ABI2: variants seen among roughly 807,000 people sequenced by gnomAD.
ABI2 encodes the protein abelson interactor 2.
In ABI2, 25 loss-of-function variants were observed where a neutral mutation model predicts 59.2. The ratio of observed to expected loss-of-function variants is 0.42; its 90% CI spans 0.31 to 0.59. The LOEUF (loss-of-function observed/expected upper bound fraction) is 0.59. Among genes scored for constraint, ABI2 ranks in the 20% least tolerant of loss-of-function variants. ABI2 has a pLI of 0.14. For synonymous variants in ABI2, 213 were observed against 235.5 expected, an observed-to-expected ratio of 0.90 and a Z score of 0.87; for missense variants, 545 against 681.8, an observed-to-expected ratio of 0.80 and a Z score of 2.23.
chr2:203,337,911 TC>T (rs1463752141), intron 1 of ABI2, among the ~76,000 whole-genome samples: 2 of 152,166 alleles, frequency 1.3e-5, no homozygotes, highest in African/African-American at 4.8e-5. Flanking sequence ...ACGCCTGTAG[TC>T]CCAGCTACTC....
At chr2:203,357,315 T>C (rs2152843734) in intron 1 of ABI2, among the ~76,000 whole-genome samples, 1 of 152,312 alleles carries the variant, frequency 6.6e-6, no homozygotes, top group African/African-American at 2.4e-5. Context: ...GCAAGTAAGA[T>C]AGTAGCAGAG....
At chr2:203,384,290 GTTTTTTTTTTTT>G in intron 4 of ABI2, among the ~76,000 whole-genome samples, 1 of 26,116 alleles carries the variant, frequency 3.8e-5, no homozygotes, top group South Asian at 1.7e-3. Flanking sequence ...TTTTGTTTTT[GTTTTTTTTTTTT>G]TTTTTTTTTT....
intron 6 of ABI2, among the ~76,000 whole-genome samples, 200 bp from the exon 7 acceptor site, chr2:203,395,456 C>T (rs1039451661): frequency 0.011 from 1,046 of 95,156 alleles, 17 homozygotes; most frequent in African/African-American, 0.028. Context: ...TATACACACA[C>T]ACACACACAC....
intron 4 of ABI2, among the ~76,000 whole-genome samples, chr2:203,385,447 A>T (rs2096462002): frequency 6.6e-6 from 1 of 152,182 alleles, no homozygotes; most frequent in African/African-American, 2.4e-5. Context: ...TTAATAATTA[A>T]TGAGCAGGGC....
At chr2:203,382,525 C>T (rs1283446073) in intron 4 of ABI2, among the ~76,000 whole-genome samples, 1 of 152,096 alleles carries the variant, frequency 6.6e-6, no homozygotes, top group Non-Finnish European at 1.5e-5. Flanking sequence ...GTAAGCTACC[C>T]TATCATAAAA....
intron 1 of ABI2, among the ~76,000 whole-genome samples, chr2:203,349,310 A>G (rs1005006826): frequency 2.0e-5 from 3 of 152,194 alleles, no homozygotes; most frequent in African/African-American, 7.2e-5. Context: ...CTGATTAATC[A>G]CAAAATAGTC....
chr2:203,329,336 G>A (rs1313740885), intron 1 of ABI2: 2 of 123,790 alleles, frequency 1.6e-5, no homozygotes, highest in Admixed American at 9.5e-5. Flanking sequence ...GAACCTCCTG[G>A]TTTAATTTTT....
intron 1 of ABI2, among the ~76,000 whole-genome samples, chr2:203,346,584 G>A (rs2083730203): frequency 6.6e-6 from 1 of 152,198 alleles, no homozygotes; most frequent in Non-Finnish European, 1.5e-5. Flanking sequence ...CTCATTGTCT[G>A]TTGAGTTGAA....
chr2:203,357,516 C>T (rs2092444583), intron 1 of ABI2, among the ~76,000 whole-genome samples: 1 of 152,162 alleles, frequency 6.6e-6, no homozygotes, highest in Non-Finnish European at 1.5e-5. Flanking sequence ...TCTAAATAAC[C>T]TCCTTTTTCT....
intron 2 of ABI2, among the ~76,000 whole-genome samples, chr2:203,373,355 C>G (rs1267140416): frequency 6.6e-6 from 1 of 152,174 alleles, no homozygotes; most frequent in Non-Finnish European, 1.5e-5. Flanking sequence ...CGCAGGCACT[C>G]GGCAGGCTGA....
chr2:203,359,323 A>C (rs533629710), intron 1 of ABI2, among the ~76,000 whole-genome samples: 1 of 152,146 alleles, frequency 6.6e-6, no homozygotes, highest in South Asian at 2.1e-4. Context: ...AGTTGATAGA[A>C]TTTTCACTGA....
In ABI2 at chr2:203,404,533, G is replaced by A. The variant is rs184691148; in HGVS notation, c.1192+1799G>A. ...TTTGTTCAGGAGCACGGGATTACAG[G>A]TACCTGCCACCACGCCTGGCTAATT... is the stretch of plus-strand genomic sequence containing the variant. On this transcript the variant is annotated intron_variant, in intron 9 of 11. Transcript: ENST00000261018. 2.0e-5 allele frequency among the ~76,000 whole-genome samples: 3 copies of A among 152,218 alleles called. No individual in the cohort carries two copies. In the East Asian group the frequency reaches 5.8e-4, roughly 29 times the overall value.
chr2:203,362,483 C>T (rs1030100040), intron 1 of ABI2, among the ~76,000 whole-genome samples: 2 of 151,786 alleles, frequency 1.3e-5, no homozygotes, highest in African/African-American at 4.8e-5. Flanking sequence ...TTGAGTTTTA[C>T]TATATTTTAT....
intron 8 of ABI2, among the ~76,000 whole-genome samples, chr2:203,400,026 A>G (rs1260281971): frequency 1.4e-5 from 2 of 147,038 alleles, no homozygotes; most frequent in Admixed American, 6.8e-5. Flanking sequence ...TTAGGTATAT[A>G]TATTTTTAAA....
In ABI2 at chr2:203,431,134, G is replaced by GT. The variant is rs1321127327; in HGVS notation, c.*3784dup. 6.6e-6 allele frequency: 1 copy of GT among 152,228 alleles called. No individual in the cohort carries two copies. The highest frequency in any genetic ancestry group is 1.5e-5 in the Non-Finnish European group (1 of 68,038). 9.4% of individuals were successfully genotyped at this position (152,228 alleles called of 1,614,324 possible). ...TTTTGGCCGGGAACTCCTGATTGGT[G>GT]TTAAGGTGGTAATTTCCCCCATATA... On this transcript the variant is annotated 3_prime_UTR_variant, in exon 12 of 12. Coordinates refer to ENST00000261018, the MANE Select transcript of ABI2 (RefSeq NM_001375670.1).
intron 2 of ABI2, among the ~76,000 whole-genome samples, chr2:203,378,243 G>A (rs1478517954): frequency 6.6e-6 from 1 of 151,846 alleles, no homozygotes; most frequent in African/African-American, 2.4e-5. Context: ...CCCCCAAGTA[G>A]CTGGGACTAC....
At chr2:203,395,207 A>T in intron 6 of ABI2, 1 of 599,476 alleles carries the variant, frequency 1.7e-6, no homozygotes, top group East Asian at 2.9e-5. Context: ...TCAGAGTATG[A>T]TTATTAATTA....
At chr2:203,385,136 A>ATTTTTTTTTTTTTTTTT (rs1231169110) in intron 4 of ABI2, among the ~76,000 whole-genome samples, 4 of 26,240 alleles carry the variant, frequency 1.5e-4, no homozygotes, top group East Asian at 5.2e-4. Flanking sequence ...CCCGGCTCAG[A>ATTTTTTTTTTTTTTTTT]TTCTTTTTTT....
intron 2 of ABI2, among the ~76,000 whole-genome samples, chr2:203,373,510 G>C (rs1363996521): frequency 1.3e-5 from 2 of 151,756 alleles, no homozygotes; most frequent in African/African-American, 4.8e-5. Flanking sequence ...AGAGGGAGCG[G>C]GAGAGGGAGA....
Sources: gnomAD v4.1 joint callset for allele counts (sites outside exome capture counted in the v4.1 genomes callset) on GRCh38, gnomAD v4.1.1 for gene constraint, MANE v1.5 for transcripts, NCBI Gene and HGNC (gene_info 2026-07-23, HGNC 2026-07-21) for gene names.